The following LEPR variants were observed in gnomAD, a reference collection of about 807,000 sequenced individuals.
LEPR encodes the protein leptin receptor.
In LEPR, 56 loss-of-function variants were observed where a neutral mutation model predicts 114.7. The ratio of observed to expected loss-of-function variants is 0.49; its 90% CI spans 0.39 to 0.61. The LOEUF (loss-of-function observed/expected upper bound fraction) is 0.61, where lower values mean the gene tolerates loss of function less well. LEPR is among the 20% of genes least tolerant of loss of function. The pLI, the probability that LEPR is intolerant of heterozygous loss-of-function variation, is 0.00. For synonymous variants in LEPR, 443 were observed against 461.4 expected (o/e 0.96, Z 0.51); for missense variants, 1,202 against 1,352.9 (o/e 0.89, Z 1.75).
At chr1:65,554,079 G>C (rs1652632431) in intron 2 of LEPR, among the ~76,000 whole-genome samples, 1 of 152,164 alleles carries the variant, frequency 6.6e-6, no homozygotes, top group Non-Finnish European at 1.5e-5. Flanking sequence ...TTCTCTGGCA[G>C]CTTCGTCCCA....
rs555473306 is a variant in LEPR, at chr1:65,546,560, C to T, written c.-20-18986C>T. On this transcript the variant is annotated intron_variant, in intron 2 of 19. Coordinates refer to ENST00000349533, the MANE Select transcript of LEPR (RefSeq NM_002303.6). ...GCTGGATTCCTAAGTATTTTATTCT[C>T]TTTGAAGCAATTTTGAATGGGAGTT... 5.5e-3 allele frequency among the ~76,000 whole-genome samples: 842 copies of T among 152,248 alleles called. 11 individuals are homozygous for T. Among genetic ancestry groups the T allele is most frequent in the African/African-American group, 0.02 (815 of 41,530 alleles).
At chr1:65,421,505 C>T in intron 1 of LEPR, 1 of 1,534,686 alleles carries the variant, frequency 6.5e-7, no homozygotes, top group Non-Finnish European at 8.7e-7. Flanking sequence ...AGTAGCATGA[C>T]TTGTTTTTAT....
chr1:65,610,106 G>T lies in LEPR; in HGVS notation c.1912G>T (p.Val638Phe), dbSNP rs753735129. The change falls in exon 13 of 20, where the codon GTT (valine) becomes TTT (phenylalanine). Residue 638 changes from valine to phenylalanine, a missense_variant and splice_region_variant. Val to Phe is a conservative substitution (Grantham distance 50, BLOSUM62 -1). Coordinates refer to ENST00000349533, the MANE Select transcript of LEPR (RefSeq NM_002303.6). The part of the protein sequence containing the change: ...PAYTVVMDIK[V>F]PMRGPEFWRI... The stretch of plus-strand genomic sequence containing the variant: ...CTACACAGTTGTCATGGATATAAAA[G>T]GTCTGCAGAGATTTTGTAAATGTGT... 3.7e-6 allele frequency: 6 copies of T among 1,614,150 alleles called. No individual in the cohort carries two copies. Among genetic ancestry groups the T allele is most frequent in the Non-Finnish European group, 5.1e-6 (6 of 1,180,008 alleles).
intron 2 of LEPR, among the ~76,000 whole-genome samples, chr1:65,481,858 C>A (rs1277381464): frequency 6.8e-6 from 1 of 146,298 alleles, no homozygotes; most frequent in East Asian, 2.0e-4. Context: ...AAAGTTAAAA[C>A]CCTAAACAAA....
In LEPR at chr1:65,570,774, A is replaced by G. The variant is rs752531283; in HGVS notation, c.342A>G (p.Thr114=). 2 of 1,566,406 alleles carry G rather than the reference A, an allele frequency of 1.3e-6. No individual in the cohort carries two copies. The highest frequency in any genetic ancestry group is 2.3e-5 in the East Asian group (1 of 44,292). The change falls in exon 4 of 20, where the codon ACA becomes ACG. Residue 114 remains threonine (T), a synonymous_variant. Coordinates refer to ENST00000349533, the MANE Select transcript of LEPR (RefSeq NM_002303.6). ...DNIEGKTFVS[T]VNSLVFQQID... is the part of the protein sequence containing the mutation. Reference sequence around the variant, plus strand: ...TTGAAGGAAAGACATTTGTTTCAACAGTAAATTCTTTAGTTTTTCAACAAA... The same window carrying G: ...TTGAAGGAAAGACATTTGTTTCAACGGTAAATTCTTTAGTTTTTCAACAAA...
At chr1:65,608,340 C>T (rs1479286283) in intron 11 of LEPR, among the ~76,000 whole-genome samples, 8 of 151,840 alleles carry the variant, frequency 5.3e-5, no homozygotes, top group African/African-American at 1.7e-4. Flanking sequence ...ATGCCATTCT[C>T]CTGCCTCAGC....
At chr1:65,489,770 A>T (rs545303251) in intron 2 of LEPR, among the ~76,000 whole-genome samples, 1 of 152,122 alleles carries the variant, frequency 6.6e-6, no homozygotes, top group Non-Finnish European at 1.5e-5. Flanking sequence ...CTTCAACCAA[A>T]TCAACCAACA....
intron 2 of LEPR, among the ~76,000 whole-genome samples, chr1:65,442,524 A>AGACT (rs2100286894): frequency 1.3e-5 from 2 of 152,322 alleles, no homozygotes; most frequent in South Asian, 4.1e-4. Context: ...GGATCTCTTG[A>AGACT]GACTGTACCT....
chr1:65,606,325 TATAAG>T (rs1022949665), intron 11 of LEPR, among the ~76,000 whole-genome samples: 34 of 152,306 alleles, frequency 2.2e-4, no homozygotes, highest in African/African-American at 7.7e-4. Flanking sequence ...CACACTCACT[TATAAG>T]ATATGACAAA....
Position 65,633,844 on chromosome 1 carries a change from G to T in LEPR, c.2674-2347G>T. 1 of 985,620 alleles carries T rather than the reference G, an allele frequency of 1.0e-6. No individual in the cohort carries two copies. 61.1% of individuals were successfully genotyped at this position (985,620 alleles called of 1,614,324 possible). A position where few individuals can be genotyped will look rare whatever the true frequency, so the allele number is the denominator to read the frequency against. ...TAAAAGGAAGCCCGAAGTTGTGTTT[G>T]TGCTGCCCACAGGACAGTGGGAGTT... On this transcript the variant is annotated intron_variant, in intron 19 of 19. Transcript: ENST00000349533. This position sits in a 1 kb window ranked among gnomAD's most constrained non-coding sequence, Gnocchi z 4.1.
chr1:65,488,194 T>TTCTTTCTTTCTTTC lies in LEPR; in HGVS notation c.-21+62818_-21+62831dup, dbSNP rs1553157679. On this transcript the variant is annotated intron_variant, in intron 2 of 19. Coordinates refer to ENST00000349533, the MANE Select transcript of LEPR (RefSeq NM_002303.6). ...TTTCTTTCTTTCTTTCTTTCTTTCT[T>TTCTTTCTTTCTTTC]TCTTTCTTTCTTTCTTTCTCTCTCT... Among the ~76,000 whole-genome samples the TTCTTTCTTTCTTTC allele has an allele frequency of 5.4e-3, 123 of 22,982 alleles. 1 individual carries two copies. The highest frequency in any genetic ancestry group is 8.2e-3 in the Non-Finnish European group (90 of 10,918). The allele number at this position is 22,982 out of a possible 152,430, so 15.1% of individuals were successfully genotyped here.
intron 2 of LEPR, among the ~76,000 whole-genome samples, chr1:65,496,605 T>G (rs1244871362): frequency 1.3e-5 from 2 of 152,116 alleles, no homozygotes; most frequent in Admixed American, 1.3e-4. Context: ...CACTTTTACT[T>G]TAGAATTGTT....
At chr1:65,621,576 C>G (rs747718614) in intron 18 of LEPR, 118 bp downstream of exon 18, 1 of 822,064 alleles carries the variant, frequency 1.2e-6, no homozygotes. Flanking sequence ...TATATGTAGT[C>G]TGTATACAAT....
intron 2 of LEPR, among the ~76,000 whole-genome samples, chr1:65,541,164 G>T (rs561270641): frequency 6.6e-6 from 1 of 152,174 alleles, no homozygotes; most frequent in South Asian, 2.1e-4. Context: ...TGGTATTATC[G>T]TGCTTTGACA....
At chr1:65,619,315 A>G (rs1373633999) in intron 16 of LEPR, among the ~76,000 whole-genome samples, 1 of 152,144 alleles carries the variant, frequency 6.6e-6, no homozygotes, top group African/African-American at 2.4e-5. Flanking sequence ...TCTTCTGGAT[A>G]TATTCTTCTA....
chr1:65,471,699 G>A (rs569101496), intron 2 of LEPR, among the ~76,000 whole-genome samples: 1 of 152,280 alleles, frequency 6.6e-6, no homozygotes, highest in Admixed American at 6.5e-5. Flanking sequence ...GTCAGGGAAG[G>A]CTCTATGAAG....
intron 2 of LEPR, among the ~76,000 whole-genome samples, chr1:65,563,827 G>T (rs7524178): frequency 0.014 from 1,295 of 89,666 alleles, no homozygotes; most frequent in African/African-American, 0.025. Flanking sequence ...GAGGTGTCAG[G>T]GTGCTCCTGC....
Position 65,432,078 on chromosome 1 carries a change from A to G in LEPR, c.-21+6700A>G, listed in dbSNP as rs377137502. 6.0e-6 allele frequency: 8 copies of G among 1,341,300 alleles called. No individual in the cohort carries two copies. The African/African-American group carries it at 1.1e-4, about 18-fold the overall frequency. The allele number at this position is 1,341,300 out of a possible 1,614,324, so 83.1% of individuals were successfully genotyped here. A position where few individuals can be genotyped will look rare whatever the true frequency, so the allele number is the denominator to read the frequency against. ...AGAAAGACTTCATAAGTAGGAGATG[A>G]GTTTTATTCTCAGCAAATAGACCTG... On this transcript the variant is annotated intron_variant, in intron 2 of 19. Transcript: ENST00000349533.
chr1:65,431,204 A>G (rs1646478093), intron 2 of LEPR, among the ~76,000 whole-genome samples: 2 of 152,016 alleles, frequency 1.3e-5, no homozygotes, highest in Admixed American at 6.5e-5. Context: ...AAATATTTAT[A>G]TTTTTTCCTT....
Sources: gnomAD v4.1 joint callset for allele counts (sites outside exome capture counted in the v4.1 genomes callset) on GRCh38, gnomAD v4.1.1 for gene constraint, Gnocchi (gnomAD v3.1) non-coding constraint, MANE v1.5 for transcripts, NCBI Gene and HGNC (gene_info 2026-07-23, HGNC 2026-07-21) for gene names.